The following CD36 variants were observed in gnomAD, a reference collection of about 807,000 sequenced individuals.
The protein encoded by CD36 is platelet glycoprotein 4.
Under a neutral mutation model 55.2 loss-of-function variants are expected in CD36, and 119 were observed. The observed-to-expected ratio is 2.15, with a 90% CI of 1.86 to 2.51. The LOEUF (loss-of-function observed/expected upper bound fraction) is 2.51, where lower values mean the gene tolerates loss of function less well. CD36 is among the 30% of genes most tolerant of loss of function. CD36 has a pLI of 0.00. For missense variants in CD36, 819 were observed against 555.5 expected (o/e 1.47, Z -4.77); for synonymous variants, 186 against 193.6 (o/e 0.96, Z 0.33).
chr7:80,638,557 C>T (rs1447778470), upstream of CD36: 1 of 146,598 alleles, frequency 6.8e-6, no homozygotes, highest in African/African-American at 2.5e-5. Context: ...TGGGATCTGA[C>T]ACTGTAGAGT....
intron 8 of CD36, among the ~76,000 whole-genome samples, chr7:80,669,474 C>A (rs1199838054): frequency 6.6e-6 from 1 of 152,080 alleles, no homozygotes; most frequent in Non-Finnish European, 1.5e-5. Context: ...GTCGCCCAGG[C>A]TGGAGTGCAA....
At chr7:80,637,035 T>G (rs1239497308), upstream of CD36, 2 of 152,142 alleles carry the variant, frequency 1.3e-5, no homozygotes, top group Non-Finnish European at 2.9e-5. Context: ...GCATCTATTT[T>G]GCATGTATTT....
rs1311565272 is a variant in CD36, at chr7:80,678,707, G to A, written c.*2324G>A. The A allele has an allele frequency of 1.3e-5, 2 of 152,106 alleles. No homozygotes were observed. Among genetic ancestry groups the A allele is most frequent in the African/African-American group, 4.8e-5 (2 of 41,416 alleles). The allele number at this position is 152,106 out of a possible 1,614,324, so 9.4% of individuals were successfully genotyped here. On this transcript the variant is annotated 3_prime_UTR_variant, in exon 15 of 15. Coordinates refer to ENST00000447544, the MANE Select transcript of CD36 (RefSeq NM_001001548.3). Reference sequence around the variant, plus strand: ...ATCTCTACTAAAAATACAAAAATGAGCGGGGTGTGGTGGCCCATGCCTGTA... The same window carrying A: ...ATCTCTACTAAAAATACAAAAATGAACGGGGTGTGGTGGCCCATGCCTGTA...
At chr7:80,614,876 C>A (rs1356201673) in intron 1 of CD36, among the ~76,000 whole-genome samples, 3 of 152,066 alleles carry the variant, frequency 2.0e-5, no homozygotes, top group Admixed American at 2.0e-4. Context: ...GTCCTTTGTT[C>A]CTTTGACCTT....
intron 3 of CD36, among the ~76,000 whole-genome samples, chr7:80,653,798 T>C (rs958819980): frequency 6.6e-6 from 1 of 152,216 alleles, no homozygotes; most frequent in Non-Finnish European, 1.5e-5. Context: ...TACAATTTAA[T>C]ACATATAGTA....
rs768721784 is a variant in CD36, at chr7:80,674,173, T to C, written c.*26T>C. 2.0e-6 allele frequency: 3 copies of C among 1,491,944 alleles called. No homozygotes were observed. The South Asian group carries it at 3.4e-5, about 17-fold the overall frequency. The allele number at this position is 1,491,944 out of a possible 1,614,324, so 92.4% of individuals were successfully genotyped here. On this transcript the variant is annotated intron_variant, in intron 14 of 14. Transcript: ENST00000447544. The stretch of plus-strand genomic sequence containing the variant: ...GTAAGTATGTACCAAAAAATATTGC[T>C]TCAATAATATTAGCTTATATATTAC...
intron 1 of CD36, among the ~76,000 whole-genome samples, chr7:80,644,081 T>G (rs2116353975): frequency 6.6e-6 from 1 of 152,322 alleles, no homozygotes; most frequent in African/African-American, 2.4e-5. Context: ...AAGTTTCAAG[T>G]GCTTTACAAT....
chr7:80,659,113 G>T (rs1201012545), intron 4 of CD36, among the ~76,000 whole-genome samples: 1 of 152,040 alleles, frequency 6.6e-6, no homozygotes, highest in Non-Finnish European at 1.5e-5. Context: ...GTCTTTTATT[G>T]TTTGCCTGAG....
chr7:80,672,176 CTT>C (rs1797751591), intron 11 of CD36, 136 bp downstream of exon 11: 2 of 726,256 alleles, frequency 2.8e-6, no homozygotes, highest in Non-Finnish European at 4.5e-6. Flanking sequence ...GTTACTGAAA[CTT>C]AGGTCGATTT....
At chr7:80,636,545 A>AT (rs1461279586), upstream of CD36, among the ~76,000 whole-genome samples, 1 of 151,756 alleles carries the variant, frequency 6.6e-6, no homozygotes, top group Non-Finnish European at 1.5e-5. Flanking sequence ...AAAAAAAAAA[A>AT]AAAGAATTTC....
chr7:80,645,675 T>C (rs908958375), intron 1 of CD36, among the ~76,000 whole-genome samples: 1 of 152,038 alleles, frequency 6.6e-6, no homozygotes, highest in Non-Finnish European at 1.5e-5. Context: ...CACCAAACAT[T>C]AGATTGACAA....
At chr7:80,637,592 A>G (rs1291712816), upstream of CD36, among the ~76,000 whole-genome samples, 1 of 151,804 alleles carries the variant, frequency 6.6e-6, no homozygotes, top group East Asian at 1.9e-4. Flanking sequence ...GTTGTATGGC[A>G]CTGCTTGCAA....
intron 1 of CD36, among the ~76,000 whole-genome samples, chr7:80,628,837 C>T (rs1167521681): frequency 6.6e-6 from 1 of 152,018 alleles, no homozygotes; most frequent in Non-Finnish European, 1.5e-5. Flanking sequence ...TGAGACAACA[C>T]AAAGCAAACA....
At chr7:80,610,164 G>A (rs928491952) in intron 1 of CD36, among the ~76,000 whole-genome samples, 3 of 152,166 alleles carry the variant, frequency 2.0e-5, no homozygotes, top group Non-Finnish European at 2.9e-5. Flanking sequence ...AAATTGGCAT[G>A]AGAATGATAA....
At chr7:80,659,445 C>T (rs1172333547) in intron 4 of CD36, among the ~76,000 whole-genome samples, 2 of 152,072 alleles carry the variant, frequency 1.3e-5, no homozygotes, top group Non-Finnish European at 2.9e-5. Context: ...ATTCTTAGAT[C>T]TGTAATTCAT....
rs1230275202 is a variant in CD36, at chr7:80,664,393, A to G, written c.610-13A>G. 5.2e-6 allele frequency: 7 copies of G among 1,333,872 alleles called. No individual in the cohort carries two copies. The highest frequency in any genetic ancestry group is 2.9e-5 in the African/African-American group (2 of 69,554). The allele number at this position is 1,333,872 out of a possible 1,614,324, so 82.6% of individuals were successfully genotyped here. A position where few individuals can be genotyped will look rare whatever the true frequency, so the allele number is the denominator to read the frequency against. On this transcript the variant is annotated splice_polypyrimidine_tract_variant and intron_variant, in intron 6 of 14. Coordinates refer to ENST00000447544, the MANE Select transcript of CD36 (RefSeq NM_001001548.3). ...ACTTGTAGAAGTAACATTTTCCCAT[A>G]CATATATTTCAGTACAACAATACTG...
chr7:80,656,931 A>G (rs1477117033), intron 4 of CD36, among the ~76,000 whole-genome samples: 1 of 152,166 alleles, frequency 6.6e-6, no homozygotes, highest in Non-Finnish European at 1.5e-5. Context: ...AATATTTATT[A>G]GACAATATAT....
intron 11 of CD36, among the ~76,000 whole-genome samples, chr7:80,672,454 C>T (rs3211947): frequency 2.9e-3 from 446 of 151,834 alleles, no homozygotes; most frequent in African/African-American, 0.01. Context: ...TGGATTCTAA[C>T]TGAATATATA....
At chr7:80,645,144 C>T (rs139485611) in intron 1 of CD36, among the ~76,000 whole-genome samples, 96 of 151,594 alleles carry the variant, frequency 6.3e-4, no homozygotes, top group African/African-American at 2.1e-3. Context: ...CCTCAGCCTC[C>T]GGAGTAGCTG....
Sources: gnomAD v4.1 joint callset for allele counts (sites outside exome capture counted in the v4.1 genomes callset) on GRCh38, gnomAD v4.1.1 for gene constraint, MANE v1.5 for transcripts, NCBI Gene and HGNC (gene_info 2026-07-23, HGNC 2026-07-21) for gene names.